The following SUGCT variants were observed in gnomAD, a reference collection of about 807,000 sequenced individuals.
The protein encoded by SUGCT is succinyl-CoA:glutarate-CoA transferase.
Under a neutral mutation model 55.0 loss-of-function variants are expected in SUGCT, and 41 were observed. The observed-to-expected ratio is 0.74, with a 90% CI of 0.58 to 0.97. SUGCT has a LOEUF of 0.97. SUGCT is among the 50% of genes least tolerant of loss of function. SUGCT has a pLI of 0.00. For missense variants in SUGCT, 568 were observed against 547.8 expected, an observed-to-expected ratio of 1.04 and a Z score of -0.37; for synonymous variants, 187 against 200.4, an observed-to-expected ratio of 0.93 and a Z score of 0.56.
At chr7:40,876,544 C>G in the SUGCT span, among the ~76,000 whole-genome samples, 1 of 152,144 alleles carries the variant, frequency 6.6e-6, no homozygotes, top group Non-Finnish European at 1.5e-5. Context: ...ATGTGTATAC[C>G]AAGTTGAAAA....
chr7:40,779,938 G>A (rs895893861), intron 13 of SUGCT, among the ~76,000 whole-genome samples: 1 of 152,164 alleles, frequency 6.6e-6, no homozygotes, highest in African/African-American at 2.4e-5. Context: ...GGTTTTACCT[G>A]ATGGCTCTGT....
At chr7:40,442,931 T>A (rs757191848) in intron 9 of SUGCT, among the ~76,000 whole-genome samples, 129 of 152,162 alleles carry the variant, frequency 8.5e-4, no homozygotes, top group Non-Finnish European at 1.6e-3. Context: ...GTCCAAGTGT[T>A]CTCATTGTTC....
chr7:40,606,246 G>A (rs1584112828), intron 12 of SUGCT, among the ~76,000 whole-genome samples: 2 of 152,310 alleles, frequency 1.3e-5, no homozygotes, highest in Admixed American at 1.3e-4. Context: ...TTGATTGAAG[G>A]TGGAGGATGA....
intron 9 of SUGCT, among the ~76,000 whole-genome samples, chr7:40,410,583 C>T (rs1786618040): frequency 6.6e-6 from 1 of 152,010 alleles, no homozygotes; most frequent in Non-Finnish European, 1.5e-5. Flanking sequence ...AATATTTATT[C>T]CCATTTCTTT....
chr7:40,418,146 GTTTC>G (rs1787114168), intron 9 of SUGCT, among the ~76,000 whole-genome samples: 1 of 152,038 alleles, frequency 6.6e-6, no homozygotes, highest in African/African-American at 2.4e-5. Flanking sequence ...CTGTGAAATA[GTTTC>G]TTTTTCTTAG....
chr7:41,036,908 G>A, the SUGCT span, among the ~76,000 whole-genome samples: 1 of 152,146 alleles, frequency 6.6e-6, no homozygotes, highest in African/African-American at 2.4e-5. Context: ...ACCAAAGCCA[G>A]TCTGCTGCAA....
intron 9 of SUGCT, among the ~76,000 whole-genome samples, chr7:40,344,818 A>T (rs1457025670): frequency 6.6e-6 from 1 of 152,208 alleles, no homozygotes; most frequent in African/African-American, 2.4e-5. Context: ...TGTAACACAT[A>T]CTAGCATTTG....
At chr7:40,690,986 G>T (rs1174538906) in intron 12 of SUGCT, among the ~76,000 whole-genome samples, 1 of 152,160 alleles carries the variant, frequency 6.6e-6, no homozygotes, top group African/African-American at 2.4e-5. Flanking sequence ...AAAGGCAAGA[G>T]CCCATCTGGA....
intron 12 of SUGCT, among the ~76,000 whole-genome samples, chr7:40,675,850 G>A (rs1328887530): frequency 1.3e-5 from 2 of 152,180 alleles, no homozygotes; most frequent in Non-Finnish European, 2.9e-5. Context: ...CAATTCAGAA[G>A]TATCATGTCA....
At chr7:40,770,371 A>G (rs1008172715) in intron 13 of SUGCT, among the ~76,000 whole-genome samples, 1 of 152,140 alleles carries the variant, frequency 6.6e-6, no homozygotes, top group East Asian at 1.9e-4. Context: ...GGATGTCTTC[A>G]GGAAATCAGG....
At chr7:40,923,190 G>A in the SUGCT span, among the ~76,000 whole-genome samples, 20 of 152,332 alleles carry the variant, frequency 1.3e-4, no homozygotes, top group African/African-American at 4.6e-4. Context: ...TGGAGATTTT[G>A]TATAGGAACT....
chr7:40,408,395 C>T (rs978016929), intron 9 of SUGCT, among the ~76,000 whole-genome samples: 1 of 151,886 alleles, frequency 6.6e-6, no homozygotes, highest in African/African-American at 2.4e-5. Context: ...TATTTTTATC[C>T]CATCCTAGTA....
chr7:40,139,414 T>C (rs1243975484), intron 1 of SUGCT, among the ~76,000 whole-genome samples: 1 of 152,154 alleles, frequency 6.6e-6, no homozygotes, highest in Non-Finnish European at 1.5e-5. Context: ...GCCAGGCTTG[T>C]CTCAAACTCC....
chr7:40,526,838 T>C (rs578178202), intron 12 of SUGCT, among the ~76,000 whole-genome samples: 4 of 152,338 alleles, frequency 2.6e-5, no homozygotes, highest in African/African-American at 9.6e-5. Flanking sequence ...GGCACTTTTC[T>C]GTTATTTTAA....
At chr7:40,622,675 A>T (rs1028384170) in intron 12 of SUGCT, among the ~76,000 whole-genome samples, 5 of 151,716 alleles carry the variant, frequency 3.3e-5, no homozygotes, top group Non-Finnish European at 4.4e-5. Flanking sequence ...CAGTTTTATC[A>T]GCCAATAACA....
At chr7:41,035,441 G>A in the SUGCT span, among the ~76,000 whole-genome samples, 1 of 152,136 alleles carries the variant, frequency 6.6e-6, no homozygotes, top group African/African-American at 2.4e-5. Flanking sequence ...ATGGTGCAAA[G>A]AGGGGCTGCG....
At chr7:40,496,566 A>G (rs750558280) in intron 12 of SUGCT, among the ~76,000 whole-genome samples, 180 bp downstream of exon 12, 15 of 152,190 alleles carry the variant, frequency 9.9e-5, no homozygotes, top group Admixed American at 2.0e-4. Flanking sequence ...CCATAAGCAT[A>G]CTTATGTCTC....
At chr7:40,858,012 T>C (rs1794274787) in intron 13 of SUGCT, among the ~76,000 whole-genome samples, 2 of 152,226 alleles carry the variant, frequency 1.3e-5, no homozygotes, top group Admixed American at 1.3e-4. Flanking sequence ...GTTATTTTAA[T>C]TTCCTAACCT....
chr7:40,316,667 T>C, intron 8 of SUGCT, 93 bp from the exon 9 acceptor site: 1 of 763,142 alleles, frequency 1.3e-6, no homozygotes, highest in Non-Finnish European at 2.1e-6. Context: ...TACAATGAGA[T>C]GAAGTGAAAT....
Sources: gnomAD v4.1 joint callset for allele counts (sites outside exome capture counted in the v4.1 genomes callset) on GRCh38, gnomAD v4.1.1 for gene constraint, MANE v1.5 for transcripts, NCBI Gene and HGNC (gene_info 2026-07-23, HGNC 2026-07-21) for gene names.